Variants in RFTN1 observed in about 807,000 individuals in gnomAD.
RFTN1 encodes the protein raftlin, lipid raft linker 1, also known as raftlin.
RFTN1 carries 26 observed loss-of-function variants against 46.5 expected under a neutral mutation model. The ratio of observed to expected loss-of-function variants is 0.56; its 90% CI spans 0.41 to 0.78. The LOEUF is 0.78. RFTN1 is among the 30% of genes least tolerant of loss of function. The probability of loss-of-function intolerance (pLI) is 0.00; values close to 1 mark genes in which losing one functional copy is unlikely to be tolerated. For synonymous variants in RFTN1, 261 were observed against 284.2 expected, an observed-to-expected ratio of 0.92 and a Z score of 0.82; for missense variants, 693 against 718.7, an observed-to-expected ratio of 0.96 and a Z score of 0.41.
At chr3:16,472,917 G>A (rs1199669363) in intron 2 of RFTN1, among the ~76,000 whole-genome samples, 1 of 152,180 alleles carries the variant, frequency 6.6e-6, no homozygotes, top group Non-Finnish European at 1.5e-5. Context: ...GCACTACCAG[G>A]TTGACTGGCC....
chr3:16,361,058 A>C lies in RFTN1; in HGVS notation c.1031-3011T>G, dbSNP rs2072793738. ...AAGTTAATACAGGTATAACACAAGTAAATGGACAACACAAATGACAAAGAA... is the reference window on the plus strand; with the variant it reads ...AAGTTAATACAGGTATAACACAAGTCAATGGACAACACAAATGACAAAGAA... On this transcript the variant is annotated intron_variant, in intron 6 of 9. Transcript: ENST00000334133. The surrounding 1 kb of genome is among the most constrained non-coding windows in gnomAD (Gnocchi z 4.3). Among the ~76,000 whole-genome samples the C allele has an allele frequency of 6.6e-6, 1 of 152,256 alleles. No homozygotes were observed. Among genetic ancestry groups the C allele is most frequent in the Non-Finnish European group, 1.5e-5 (1 of 68,046 alleles).
intron 2 of RFTN1, among the ~76,000 whole-genome samples, chr3:16,487,425 A>G (rs1182561942): frequency 6.6e-6 from 1 of 152,248 alleles, no homozygotes; most frequent in Non-Finnish European, 1.5e-5. Flanking sequence ...GTTAAGCTAT[A>G]GAACTTTCGG....
intron 7 of RFTN1, among the ~76,000 whole-genome samples, chr3:16,332,764 T>C (rs900611081): frequency 1.3e-5 from 2 of 151,488 alleles, no homozygotes; most frequent in Non-Finnish European, 2.9e-5. Flanking sequence ...TCCATCTATC[T>C]AAAAATTTGT....
At position 16,342,974 on chromosome 3, in the gene RFTN1, G is replaced by A. The variant is rs1177528308; in HGVS notation, c.1146+14958C>T. Reference sequence around the variant, plus strand: ...CCCACTACAGCCCCTCTGAGTCGCTGGGAATACAGGCACACACCACCATGC... The same window carrying A: ...CCCACTACAGCCCCTCTGAGTCGCTAGGAATACAGGCACACACCACCATGC... On this transcript the variant is annotated intron_variant, in intron 7 of 9. Coordinates refer to ENST00000334133, the MANE Select transcript of RFTN1 (RefSeq NM_015150.2). This position sits in a 1 kb window ranked among gnomAD's most constrained non-coding sequence, Gnocchi z 4.0. Among the ~76,000 whole-genome samples, 3 of 152,046 alleles carry A rather than the reference G, an allele frequency of 2.0e-5. No individual in the cohort carries two copies. The highest frequency in any genetic ancestry group is 7.2e-5 in the African/African-American group (3 of 41,394).
Position 16,365,024 on chromosome 3 carries a change from C to T in RFTN1, c.1030+5052G>A, listed in dbSNP as rs892091032. On this transcript the variant is annotated intron_variant, in intron 6 of 9. Transcript: ENST00000334133. The stretch of plus-strand genomic sequence containing the variant: ...TACAGTTTTTTACGTGTGTGCTAAA[C>T]TGCAATAAAAGTTTTTTTAAAGGTG... Among the ~76,000 whole-genome samples, 30 of 152,234 alleles carry T rather than the reference C, an allele frequency of 2.0e-4. 1 individual carries two copies. Among genetic ancestry groups the T allele is most frequent in the African/African-American group, 7.2e-4 (30 of 41,458 alleles).
chr3:16,394,700 G>C (rs750096282), intron 4 of RFTN1, among the ~76,000 whole-genome samples: 3 of 151,480 alleles, frequency 2.0e-5, no homozygotes, highest in Non-Finnish European at 4.4e-5. Flanking sequence ...GCACTCGCCT[G>C]TATTGATGTT....
At position 16,473,511 on chromosome 3, in the gene RFTN1, C is replaced by T. The variant is rs113773837; in HGVS notation, c.145+20214G>A. 5.3e-3 allele frequency among the ~76,000 whole-genome samples: 800 copies of T among 151,998 alleles called. 9 individuals carry two copies. Among genetic ancestry groups the T allele is most frequent in the African/African-American group, 0.017 (691 of 41,446 alleles). ...TGCCTCCTGGGTTCAAGCAATTCTC[C>T]TGCCTCAGCCTCCCAAGGAGCTGGG... is the stretch of plus-strand genomic sequence containing the variant. On this transcript the variant is annotated intron_variant, in intron 2 of 9. Transcript: ENST00000334133. This position sits in a 1 kb window ranked among gnomAD's most constrained non-coding sequence, Gnocchi z 5.3.
chr3:16,482,099 T>C (rs903025505), intron 2 of RFTN1, among the ~76,000 whole-genome samples: 1 of 152,166 alleles, frequency 6.6e-6, no homozygotes, highest in Non-Finnish European at 1.5e-5. Context: ...CAACAGGTCA[T>C]GGGCAGCATG....
At chr3:16,324,591 A>C (rs1294908511) in intron 8 of RFTN1, among the ~76,000 whole-genome samples, 4 of 148,652 alleles carry the variant, frequency 2.7e-5, no homozygotes, top group Non-Finnish European at 5.9e-5. Flanking sequence ...TCATCCTTGT[A>C]ATAAATAACA....
At chr3:16,417,498 G>C (rs2075105060) in intron 3 of RFTN1, among the ~76,000 whole-genome samples, 1 of 152,170 alleles carries the variant, frequency 6.6e-6, no homozygotes, top group African/African-American at 2.4e-5. Flanking sequence ...AGATGTCAGG[G>C]TCGTTTCAGA....
rs1193295283 is a variant in RFTN1 at position 16,380,699 on chromosome 3, T to A, written c.442-2597A>T. On this transcript the variant is annotated intron_variant, in intron 4 of 9. Coordinates refer to ENST00000334133, the MANE Select transcript of RFTN1 (RefSeq NM_015150.2). This position sits in a 1 kb window ranked among gnomAD's most constrained non-coding sequence, Gnocchi z 4.8. The stretch of plus-strand genomic sequence containing the variant: ...TGAGGGTGAGATCCAGCAATCTGTG[T>A]CTTAACAAGTCCTCCGAGTGATTCC... Among the ~76,000 whole-genome samples the A allele has an allele frequency of 6.6e-6, 1 of 152,200 alleles. No individual in the cohort carries two copies.
chr3:16,357,279 T>A (rs1044141542), intron 7 of RFTN1, among the ~76,000 whole-genome samples: 17 of 152,190 alleles, frequency 1.1e-4, no homozygotes, highest in African/African-American at 4.1e-4. Flanking sequence ...GCCCTTCAGC[T>A]ACCCACTAGT....
rs1046736472 is a variant in RFTN1 at position 16,500,506 on chromosome 3, CT to C, written c.-8-6630del. 1.8e-4 allele frequency among the ~76,000 whole-genome samples: 27 copies of C among 152,260 alleles called. No homozygotes were observed. Among genetic ancestry groups the C allele is most frequent in the Admixed American group, 5.9e-4 (9 of 15,294 alleles). ...ATAATCAAAGCATATATGCAGTTCC[CT>C]AGCAGAAATTGGTAAGGGTAATTAG... On this transcript the variant is annotated intron_variant, in intron 1 of 9. Coordinates refer to ENST00000334133, the MANE Select transcript of RFTN1 (RefSeq NM_015150.2). The surrounding 1 kb of genome is among the most constrained non-coding windows in gnomAD (Gnocchi z 5.9).
intron 2 of RFTN1, among the ~76,000 whole-genome samples, chr3:16,477,214 G>A (rs2076296424): frequency 6.6e-6 from 1 of 152,160 alleles, no homozygotes; most frequent in African/African-American, 2.4e-5. Flanking sequence ...CCTGAAACTG[G>A]ATTAATCACC....
At position 16,402,099 on chromosome 3, in the gene RFTN1, C is replaced by A. The variant is rs531707608; in HGVS notation, c.441+7276G>T. On this transcript the variant is annotated intron_variant, in intron 4 of 9. Coordinates refer to ENST00000334133, the MANE Select transcript of RFTN1 (RefSeq NM_015150.2). The surrounding 1 kb of genome is among the most constrained non-coding windows in gnomAD (Gnocchi z 4.5). ...AAGTCTTCATACAACCATCCCCATT[C>A]TCATCACCTCTCTGCCCCCAGGGCT... Among the ~76,000 whole-genome samples the A allele has an allele frequency of 6.6e-6, 1 of 152,322 alleles. No individual in the cohort carries two copies. Among genetic ancestry groups the A allele is most frequent in the South Asian group, 2.1e-4 (1 of 4,816 alleles).
chr3:16,404,187 A>G lies in RFTN1; in HGVS notation c.441+5188T>C, dbSNP rs1448971188. Among the ~76,000 whole-genome samples, 8 of 112,444 alleles carry G rather than the reference A, an allele frequency of 7.1e-5. No individual in the cohort carries two copies. The East Asian group carries it at 1.3e-3, about 18-fold the overall frequency. The allele number at this position is 112,444 out of a possible 152,430, so 73.8% of individuals were successfully genotyped here. ...ATATAATATACATTTTATATATAAT[A>G]TATAATATACATTTTATATATATTA... On this transcript the variant is annotated intron_variant, in intron 4 of 9. Coordinates refer to ENST00000334133, the MANE Select transcript of RFTN1 (RefSeq NM_015150.2).
intron 2 of RFTN1, among the ~76,000 whole-genome samples, chr3:16,461,612 G>A (rs560196166): frequency 6.6e-6 from 1 of 152,218 alleles, no homozygotes; most frequent in Admixed American, 6.5e-5. Flanking sequence ...ACAATTACAC[G>A]ATATGACCAT....
At chr3:16,462,003 C>T (rs1236457874) in intron 2 of RFTN1, among the ~76,000 whole-genome samples, 1 of 152,238 alleles carries the variant, frequency 6.6e-6, no homozygotes, top group Non-Finnish European at 1.5e-5. Flanking sequence ...CCAGGGCCCA[C>T]AGTCTAAAAG....
In RFTN1 at chr3:16,451,542, C is replaced by T. The variant is rs1241803040; in HGVS notation, c.146-17505G>A. ...AATACAAACTAAAATAGAGTGGTCC[C>T]CTCTTCTCCACAGGGGATATGCCTG... is the stretch of plus-strand genomic sequence containing the variant. On this transcript the variant is annotated intron_variant, in intron 2 of 9. Coordinates refer to ENST00000334133, the MANE Select transcript of RFTN1 (RefSeq NM_015150.2). This position sits in a 1 kb window ranked among gnomAD's most constrained non-coding sequence, Gnocchi z 4.2. Among the ~76,000 whole-genome samples the T allele has an allele frequency of 2.0e-5, 3 of 152,152 alleles. No individual in the cohort carries two copies. Among genetic ancestry groups the T allele is most frequent in the African/African-American group, 7.2e-5 (3 of 41,428 alleles).
Sources: allele counts gnomAD v4.1 joint callset (sites outside exome capture counted in the v4.1 genomes callset), GRCh38; gene constraint gnomAD v4.1.1; non-coding constraint Gnocchi (gnomAD v3.1); transcripts MANE v1.5; gene names NCBI Gene and HGNC (gene_info 2026-07-23, HGNC 2026-07-21).